Variants in ADAMTS13 observed in about 807,000 individuals in gnomAD.
ADAMTS13 encodes the protein ADAM metallopeptidase with thrombospondin type 1 motif 13, also known as A disintegrin and metalloproteinase with thrombospondin motifs 13.
A neutral mutation model predicts 155.1 loss-of-function variants in ADAMTS13; 110 were observed. That is an observed-to-expected ratio of 0.71 (90% CI 0.61 to 0.83). The LOEUF is 0.83. Ranked by LOEUF, ADAMTS13 falls within the 40% of genes least tolerant of loss-of-function variation. The pLI, the probability that ADAMTS13 is intolerant of heterozygous loss-of-function variation, is 0.00. For missense variants in ADAMTS13, 1,707 were observed against 1,891.7 expected (o/e 0.90, Z 1.81); for synonymous variants, 758 against 756.4 (o/e 1.00, Z -0.03).
At chr9:133,433,319 T>A in intron 9 of ADAMTS13, 59 bp from the exon 10 acceptor site, 1 of 1,604,102 alleles carries the variant, frequency 6.2e-7, no homozygotes. Flanking sequence ...CTGTGTGTGT[T>A]GGGAGTCCTG....
intron 1 of ADAMTS13, chr9:133,415,128 T>G: frequency 5.3e-6 from 4 of 761,542 alleles, no homozygotes; most frequent in South Asian, 2.0e-5. Flanking sequence ...ATCTATACAA[T>G]TCCCATCCGC....
Position 133,436,949 on chromosome 9 carries a change from A to G in ADAMTS13, c.1429A>G (p.Ser477Gly), listed in dbSNP as rs1841283037. The change falls in exon 12 of 29, where the codon AGC becomes GGC. Residue 477 changes from serine to glycine, a missense_variant. By Grantham distance (56) the Ser-to-Gly change is moderately conservative (BLOSUM62 0). Coordinates refer to ENST00000355699, the MANE Select transcript of ADAMTS13 (RefSeq NM_139027.6). ...FYHWGAAVPH[S>G]QGDALCRHMC... is the part of the protein sequence containing the mutation. ...CCACTGGGGTGCTGCTGTACCACACAGCCAAGGTGGGGCCTGCGGAGTGTG... is the reference window on the plus strand; with the variant it reads ...CCACTGGGGTGCTGCTGTACCACACGGCCAAGGTGGGGCCTGCGGAGTGTG... 2 of 1,596,984 alleles carry G rather than the reference A, an allele frequency of 1.3e-6. No homozygotes were observed. Among genetic ancestry groups the G allele is most frequent in the East Asian group, 2.3e-5 (1 of 44,302 alleles).
upstream of ADAMTS13, among the ~76,000 whole-genome samples, chr9:133,417,201 G>C (rs1839684587): frequency 6.6e-6 from 1 of 152,310 alleles, no homozygotes; most frequent in Middle Eastern, 3.4e-3. Flanking sequence ...TTTTTTAGTA[G>C]ACACGGGGTT....
At position 133,456,401 on chromosome 9, in the gene ADAMTS13, A is replaced by C; in HGVS notation, c.3548-142A>C. 1 of 1,370,968 alleles carries C rather than the reference A, an allele frequency of 7.3e-7. No individual in the cohort carries two copies. Among genetic ancestry groups the C allele is most frequent in the Non-Finnish European group, 1.0e-6 (1 of 995,872 alleles). 84.9% of individuals were successfully genotyped at this position (1,370,968 alleles called of 1,614,324 possible). ...GAGGAAACTGAGGCTAGGAGAGATT[A>C]AGTGATGTGCCCAGTTACTTAGAGT... On this transcript the variant is annotated intron_variant, in intron 26 of 28. Coordinates refer to ENST00000355699, the MANE Select transcript of ADAMTS13 (RefSeq NM_139027.6). The surrounding 1 kb of genome is among the most constrained non-coding windows in gnomAD (Gnocchi z 4.4).
Position 133,433,385 on chromosome 9 carries a change from C to G in ADAMTS13, c.1100C>G (p.Ser367Cys), listed in dbSNP as rs782270618. The G allele has an allele frequency of 6.8e-6, 11 of 1,612,578 alleles. No individual in the cohort carries two copies. The highest frequency in any genetic ancestry group is 1.7e-6 in the Non-Finnish European group (2 of 1,179,902). The change falls in exon 10 of 29, where the codon TCC becomes TGC. Residue 367 changes from serine (S) to cysteine (C), a missense_variant. By Grantham distance (112) the Ser-to-Cys change is moderately radical. Coordinates refer to ENST00000355699, the MANE Select transcript of ADAMTS13 (RefSeq NM_139027.6). ...GTECGVEKWC[S>C]KGRCRSLVEL... The stretch of plus-strand genomic sequence containing the variant: ...GCCATCCTTGCCTTGCAGTGGTGCT[C>G]CAAGGGTCGCTGCCGCTCCCTGGTG...
At chr9:133,426,526 C>CT (rs1009864367) in intron 6 of ADAMTS13, among the ~76,000 whole-genome samples, 181 bp downstream of exon 6, 3 of 152,196 alleles carry the variant, frequency 2.0e-5, no homozygotes, top group Non-Finnish European at 4.4e-5. Flanking sequence ...ATTAAAAGAA[C>CT]TTTTTTTCCA....
intron 6 of ADAMTS13, 66 bp from the exon 7 acceptor site, chr9:133,428,568 T>TCCCGCC (rs1488084864): frequency 1.6e-5 from 2 of 124,520 alleles, no homozygotes; most frequent in African/African-American, 3.6e-5. Flanking sequence ...CCGACCCCCG[T>TCCCGCC]CCCGCCCCCA....
At chr9:133,418,661 G>A (rs1839820143), upstream of ADAMTS13, among the ~76,000 whole-genome samples, 1 of 152,156 alleles carries the variant, frequency 6.6e-6, no homozygotes, top group Non-Finnish European at 1.5e-5. Flanking sequence ...AGCAAGCAGG[G>A]GGTACGTGAC....
chr9:133,455,793 C>A, intron 25 of ADAMTS13: 1 of 879,022 alleles, frequency 1.1e-6, no homozygotes. Flanking sequence ...GGGGAAGTAA[C>A]TTGAAGGTAG....
intron 21 of ADAMTS13, among the ~76,000 whole-genome samples, chr9:133,447,362 G>C (rs2130902022): frequency 6.6e-6 from 1 of 152,074 alleles, no homozygotes; most frequent in East Asian, 1.9e-4. Flanking sequence ...CACAATCTTA[G>C]CTCACTACAA....
At position 133,433,505 on chromosome 9, in the gene ADAMTS13, G is replaced by T; in HGVS notation, c.1220G>T (p.Arg407Met). The change falls in exon 10 of 29, where the codon AGG becomes ATG. Residue 407 changes from arginine (R) to methionine (M), a missense_variant. By Grantham distance (91) the Arg-to-Met change is moderately conservative (BLOSUM62 -1). Coordinates refer to ENST00000355699, the MANE Select transcript of ADAMTS13 (RefSeq NM_139027.6). ...TCCTGCGGAGGAGGTGTGGTCACCA[G>T]GAGGCGGCAGTGCAACAACCCCAGG... ...SRSCGGGVVT[R>M]RRQCNNPRPA... 6.2e-7 allele frequency: 1 copy of T among 1,613,586 alleles called. No individual in the cohort carries two copies. The highest frequency in any genetic ancestry group is 1.1e-5 in the South Asian group (1 of 91,088).
At chr9:133,448,195 G>A (rs1006279728) in intron 21 of ADAMTS13, among the ~76,000 whole-genome samples, 1 of 151,502 alleles carries the variant, frequency 6.6e-6, no homozygotes, top group African/African-American at 2.4e-5. Flanking sequence ...TCACCATGTT[G>A]GTCAGGCTCG....
intron 18 of ADAMTS13, among the ~76,000 whole-genome samples, chr9:133,443,024 G>A (rs1564429372): frequency 6.6e-6 from 1 of 152,222 alleles, no homozygotes; most frequent in Admixed American, 6.5e-5. Context: ...GGCCTCTCTT[G>A]AGCTCAGGTA....
intron 22 of ADAMTS13, 71 bp from the exon 23 acceptor site, chr9:133,449,712 G>T: frequency 6.4e-7 from 1 of 1,566,200 alleles, no homozygotes. Flanking sequence ...GGGAAATGAA[G>T]GGGAGACCTG....
At chr9:133,437,070 A>C (rs1554789319) in intron 12 of ADAMTS13, 115 bp downstream of exon 12, 2 of 1,359,632 alleles carry the variant, frequency 1.5e-6, no homozygotes, top group African/African-American at 2.9e-5. Flanking sequence ...AAAGTGGTTC[A>C]GGCTCTGGCA....
chr9:133,443,725 T>A (rs1452836522), intron 19 of ADAMTS13, among the ~76,000 whole-genome samples, 164 bp downstream of exon 19: 2 of 152,126 alleles, frequency 1.3e-5, no homozygotes, highest in Non-Finnish European at 2.9e-5. Flanking sequence ...AGTGCTGCTG[T>A]CAGAGTTCCT....
At chr9:133,422,934 C>CTTT (rs71281254) in intron 1 of ADAMTS13, among the ~76,000 whole-genome samples, 167 bp from the exon 2 acceptor site, 45 of 93,222 alleles carry the variant, frequency 4.8e-4, no homozygotes, top group African/African-American at 6.6e-4. Context: ...CTCTCTCTCT[C>CTTT]TTTTTTTTTT....
chr9:133,439,537 G>A (rs930167602), intron 15 of ADAMTS13, 91 bp downstream of exon 15: 6 of 1,193,284 alleles, frequency 5.0e-6, no homozygotes, highest in Non-Finnish European at 7.5e-6. Context: ...GACATCACCC[G>A]CAAGTTCAGG....
chr9:133,423,972 G>A (rs781904711), intron 2 of ADAMTS13, among the ~76,000 whole-genome samples: 23 of 152,246 alleles, frequency 1.5e-4, no homozygotes, highest in African/African-American at 5.3e-4. Flanking sequence ...GGCTCCACTC[G>A]TGTTCAGTTT....
Sources: allele counts gnomAD v4.1 joint callset (sites outside exome capture counted in the v4.1 genomes callset), GRCh38; gene constraint gnomAD v4.1.1; non-coding constraint Gnocchi (gnomAD v3.1); transcripts MANE v1.5; gene names NCBI Gene and HGNC (gene_info 2026-07-23, HGNC 2026-07-21).